The following DNMT1 variants were observed in gnomAD, a reference collection of about 807,000 sequenced individuals.
The protein encoded by DNMT1 is DNA (cytosine-5)-methyltransferase 1.
A neutral mutation model predicts 205.3 loss-of-function variants in DNMT1; 24 were observed. That is an observed-to-expected ratio of 0.12 (90% CI 0.08 to 0.16). The LOEUF (loss-of-function observed/expected upper bound fraction) is 0.16. Ranked by LOEUF, DNMT1 falls within the 10% of genes least tolerant of loss-of-function variation. The pLI is 1.00. For missense variants in DNMT1, 1,293 were observed against 2,177.7 expected (o/e 0.59, Z 8.09); for synonymous variants, 817 against 839.8 (o/e 0.97, Z 0.47).
chr19:10,157,338 G>A (rs1222891495), intron 17 of DNMT1, among the ~76,000 whole-genome samples: 1 of 152,170 alleles, frequency 6.6e-6, no homozygotes, highest in East Asian at 1.9e-4. Context: ...GCAGGTTATA[G>A]AACAGTGTGA....
At chr19:10,174,887 C>T (rs1269153279) in intron 7 of DNMT1, among the ~76,000 whole-genome samples, 1 of 151,428 alleles carries the variant, frequency 6.6e-6, no homozygotes, top group Non-Finnish European at 1.5e-5. Context: ...GAAACCCCAT[C>T]CCTACTAAAA....
chr19:10,155,729 C>T, intron 19 of DNMT1, 124 bp downstream of exon 19: 1 of 1,006,032 alleles, frequency 9.9e-7, no homozygotes, highest in Admixed American at 2.0e-5. Flanking sequence ...TGCTAAGGTT[C>T]CCAGTCACAT....
chr19:10,149,487 A>G lies in DNMT1; in HGVS notation c.2552T>C (p.Ile851Thr). ...CCAGTTTTCGGAGGGGGCTTTGTAG[A>G]TGACTTTCACTTTGCTGTGGATATA... ...LSYIHSKVKV[I>T]YKAPSENWAM... Residue 851 changes from isoleucine (I) to threonine (T), a missense_variant, in exon 26 of 41, where the codon ATC (isoleucine) becomes ACC (threonine). Physicochemically the swap from Ile to Thr is moderately conservative, Grantham distance 89 (BLOSUM62 -1). This residue lies in a region of DNMT1 where 197 missense variants were observed against 353.6 expected (regional missense o/e 0.56). Transcript: ENST00000359526. 1.2e-6 allele frequency: 2 copies of G among 1,614,066 alleles called. No homozygotes were observed. The highest frequency in any genetic ancestry group is 1.7e-5 in the Admixed American group (1 of 60,004).
chr19:10,134,333 C>T, intron 39 of DNMT1, 26 bp from the exon 40 acceptor site: 1 of 1,610,564 alleles, frequency 6.2e-7, no homozygotes. Flanking sequence ...AGGGCAATGC[C>T]TGATGTGGAC....
At chr19:10,188,556 C>A (rs1432120863) in intron 1 of DNMT1, among the ~76,000 whole-genome samples, 1 of 152,064 alleles carries the variant, frequency 6.6e-6, no homozygotes, top group Non-Finnish European at 1.5e-5. Context: ...AGTGGACCCA[C>A]CGAAAAATGT....
chr19:10,170,459 T>C (rs2038793281), intron 9 of DNMT1, among the ~76,000 whole-genome samples: 1 of 151,952 alleles, frequency 6.6e-6, no homozygotes, highest in Non-Finnish European at 1.5e-5. Flanking sequence ...GCCAACATGG[T>C]GAACCCCTGT....
At chr19:10,178,358 AC>A (rs2038974930) in intron 5 of DNMT1, among the ~76,000 whole-genome samples, 1 of 151,522 alleles carries the variant, frequency 6.6e-6, no homozygotes. Context: ...GGAGTTCGAG[AC>A]CACCTTGGCC....
chr19:10,134,670 A>G (rs1371660167), intron 39 of DNMT1, among the ~76,000 whole-genome samples: 1 of 151,964 alleles, frequency 6.6e-6, no homozygotes, highest in Non-Finnish European at 1.5e-5. Context: ...CCTCGCCAAC[A>G]TGGTGAAACC....
Position 10,182,629 on chromosome 19 carries a change from TAC to T in DNMT1, c.81-554_81-553del, listed in dbSNP as rs1387490176. ...ATGTATGTATATATGTGTATATATA[TAC>T]ACACACATATATACATACATACATA... On this transcript the variant is annotated intron_variant, in intron 1 of 40. Coordinates refer to ENST00000359526, the MANE Select transcript of DNMT1 (RefSeq NM_001130823.3). Among the ~76,000 whole-genome samples, 14 of 151,346 alleles carry T rather than the reference TAC, an allele frequency of 9.3e-5. No homozygotes were observed. The South Asian group carries it at 2.3e-3, about 25-fold the overall frequency.
Position 10,149,119 on chromosome 19 carries a change from T to C in DNMT1, c.2587-102A>G, listed in dbSNP as rs1286485294. On this transcript the variant is annotated intron_variant, in intron 26 of 40. Transcript: ENST00000359526. ...CGGGTGGATCACCTAAGGTCAGGAG[T>C]TCGAGACCAGCCTGGCCAACATGGT... 3 of 1,494,958 alleles carry C rather than the reference T, an allele frequency of 2.0e-6. No homozygotes were observed. In the East Asian group the frequency reaches 7.2e-5, roughly 36 times the overall value. The allele number at this position is 1,494,958 out of a possible 1,614,324, so 92.6% of individuals were successfully genotyped here. A position where few individuals can be genotyped will look rare whatever the true frequency, so the allele number is the denominator to read the frequency against.
At chr19:10,188,052 G>A (rs912027087) in intron 1 of DNMT1, among the ~76,000 whole-genome samples, 15 of 152,226 alleles carry the variant, frequency 9.9e-5, no homozygotes, top group Non-Finnish European at 1.9e-4. Context: ...TGAGGCAGGA[G>A]GATCACTAGA....
Position 10,177,318 on chromosome 19 carries a change from G to T in DNMT1, c.543C>A (p.Thr181=). Residue 181 remains threonine (T), a synonymous_variant, in exon 6 of 41, where the codon ACC becomes ACA. Coordinates refer to ENST00000359526, the MANE Select transcript of DNMT1 (RefSeq NM_001130823.3). The part of the protein sequence containing the change: ...PRITRKSTRQ[T]TITSHFAKGP... ...CCTTTGCAAAATGAGATGTGATGGTGGTTTGCCTGGTGCTTTTCCTTGTAA... is the reference window on the plus strand; with the variant it reads ...CCTTTGCAAAATGAGATGTGATGGTTGTTTGCCTGGTGCTTTTCCTTGTAA... 6.2e-7 allele frequency: 1 copy of T among 1,613,924 alleles called. No homozygotes were observed. Among genetic ancestry groups the T allele is most frequent in the Non-Finnish European group, 8.5e-7 (1 of 1,179,978 alleles).
At chr19:10,142,465 TTAGGGAACCACAGGG>T (rs2089619636) in intron 29 of DNMT1, among the ~76,000 whole-genome samples, 1 of 139,536 alleles carries the variant, frequency 7.2e-6, no homozygotes, top group African/African-American at 2.7e-5. Context: ...CCCCCCCTAG[TTAGGGAACCACAGGG>T]TAAAGATCCC....
intron 7 of DNMT1, among the ~76,000 whole-genome samples, chr19:10,175,051 T>A (rs1414487744): frequency 1.9e-4 from 23 of 123,364 alleles, no homozygotes; most frequent in South Asian, 2.5e-4. Flanking sequence ...AAAAAAAAAG[T>A]CTCAAAAAAA....
chr19:10,141,002 C>A (rs1270548872), intron 31 of DNMT1, 93 bp from the exon 32 acceptor site: 11 of 1,613,192 alleles, frequency 6.8e-6, no homozygotes, highest in Non-Finnish European at 9.3e-6. Context: ...GCCTCGCTGT[C>A]CCAGAGTCAG....
chr19:10,188,553 C>A (rs1228193099), intron 1 of DNMT1, among the ~76,000 whole-genome samples: 1 of 151,992 alleles, frequency 6.6e-6, no homozygotes, highest in Non-Finnish European at 1.5e-5. Flanking sequence ...AAGAGTGGAC[C>A]CACCGAAAAA....
At chr19:10,155,501 C>T (rs2038438354) in intron 19 of DNMT1, among the ~76,000 whole-genome samples, 1 of 152,070 alleles carries the variant, frequency 6.6e-6, no homozygotes, top group African/African-American at 2.4e-5. Context: ...CCATGCGTGG[C>T]TAATTTTTGT....
chr19:10,160,484 G>A, intron 13 of DNMT1, 66 bp from the exon 14 acceptor site: 1 of 1,562,838 alleles, frequency 6.4e-7, no homozygotes, highest in Non-Finnish European at 8.8e-7. Context: ...TAGTGCTTCG[G>A]TGTTAAGAAC....
In DNMT1 at chr19:10,151,671, A is replaced by G. The variant is rs2038345493; in HGVS notation, c.2117+79T>C. ...AAGGAATCCTGGTGCTGTCCCACAC[A>G]TGCAGGCCCTTCTCCACAGTGCATC... On this transcript the variant is annotated intron_variant, in intron 23 of 40. Coordinates refer to ENST00000359526, the MANE Select transcript of DNMT1 (RefSeq NM_001130823.3). This position sits in a 1 kb window ranked among gnomAD's most constrained non-coding sequence, Gnocchi z 5.0. 1.2e-6 allele frequency: 2 copies of G among 1,606,294 alleles called. No individual in the cohort carries two copies. The highest frequency in any genetic ancestry group is 1.7e-5 in the Admixed American group (1 of 59,978).
Sources: gnomAD v4.1 joint callset for allele counts (sites outside exome capture counted in the v4.1 genomes callset) on GRCh38, gnomAD v4.1.1 for gene constraint, gnomAD v4.1.1 regional missense constraint, Gnocchi (gnomAD v3.1) non-coding constraint, MANE v1.5 for transcripts, NCBI Gene and HGNC (gene_info 2026-07-23, HGNC 2026-07-21) for gene names.